TMEM43: variants seen among roughly 807,000 people sequenced by gnomAD.
TMEM43 encodes transmembrane protein 43.
Under a neutral mutation model 49.6 loss-of-function variants are expected in TMEM43, and 45 were observed. The observed-to-expected ratio is 0.91, with a 90% CI of 0.71 to 1.16. The LOEUF (loss-of-function observed/expected upper bound fraction) is 1.16, where lower values mean the gene tolerates loss of function less well. TMEM43 is among the 50% of genes most tolerant of loss of function. TMEM43 has a pLI of 0.00. For missense variants in TMEM43, 532 were observed against 516.6 expected (o/e 1.03, Z -0.29); for synonymous variants, 199 against 207.8 (o/e 0.96, Z 0.36).
intron 1 of TMEM43, among the ~76,000 whole-genome samples, chr3:14,128,703 T>C (rs1229307464): frequency 6.6e-6 from 1 of 152,254 alleles, no homozygotes; most frequent in Non-Finnish European, 1.5e-5. Flanking sequence ...AACCTCTTTG[T>C]AAAATAGCTT....
Position 14,141,978 on chromosome 3 carries a change from T to C in TMEM43, c.*183T>C. 1.6e-6 allele frequency: 1 copy of C among 617,516 alleles called. No individual in the cohort carries two copies. Among genetic ancestry groups the C allele is most frequent in the East Asian group, 2.8e-5 (1 of 36,250 alleles). 38.3% of individuals were successfully genotyped at this position (617,516 alleles called of 1,614,324 possible). A position where few individuals can be genotyped will look rare whatever the true frequency, so the allele number is the denominator to read the frequency against. On this transcript the variant is annotated 3_prime_UTR_variant, in exon 12 of 12. Coordinates refer to ENST00000306077, the MANE Select transcript of TMEM43 (RefSeq NM_024334.3). The stretch of plus-strand genomic sequence containing the variant: ...GGTTGGTGTTCACCAGCTCATGTCT[T>C]CCCCACATCTCTTCTTGCCAGTAAG...
intron 10 of TMEM43, among the ~76,000 whole-genome samples, chr3:14,138,714 G>C (rs1383712264): frequency 6.6e-6 from 1 of 152,228 alleles, no homozygotes; most frequent in Non-Finnish European, 1.5e-5. Flanking sequence ...GACTGAAGCA[G>C]CTAAAGAATT....
intron 8 of TMEM43, 29 bp from the exon 9 acceptor site, chr3:14,135,129 C>G (rs374964051): frequency 6.2e-7 from 1 of 1,603,100 alleles, no homozygotes; most frequent in Non-Finnish European, 8.5e-7. Context: ...CTCCGTTCCT[C>G]ACTCTCCCTG....
At chr3:14,135,089 G>T in intron 8 of TMEM43, 69 bp from the exon 9 acceptor site, 1 of 1,527,198 alleles carries the variant, frequency 6.5e-7, no homozygotes, top group South Asian at 1.1e-5. Flanking sequence ...GCGTAGCCGA[G>T]GCATCCTGGA....
intron 4 of TMEM43, among the ~76,000 whole-genome samples, chr3:14,132,178 G>A (rs896706794): frequency 1.3e-5 from 2 of 152,210 alleles, no homozygotes; most frequent in African/African-American, 4.8e-5. Flanking sequence ...CGACAGGTGG[G>A]GAGGTGGTGG....
chr3:14,128,133 C>G (rs1695042987), intron 1 of TMEM43, among the ~76,000 whole-genome samples: 1 of 152,186 alleles, frequency 6.6e-6, no homozygotes, highest in Non-Finnish European at 1.5e-5. Flanking sequence ...GTTGCTTGCC[C>G]AAGACCCCGT....
At position 14,135,152 on chromosome 3, in the gene TMEM43, C is replaced by T. The variant is rs1404287765; in HGVS notation, c.706-6C>T. On this transcript the variant is annotated splice_region_variant and splice_polypyrimidine_tract_variant and intron_variant, in intron 8 of 11. Coordinates refer to ENST00000306077, the MANE Select transcript of TMEM43 (RefSeq NM_024334.3). ...CTCACTCTCCCTGCTTCTCTTCCAC[C>T]CCCAGGTGGGAGACTTGCGTGTCTC... The T allele has an allele frequency of 1.2e-6, 2 of 1,611,676 alleles. No homozygotes were observed. The highest frequency in any genetic ancestry group is 1.7e-5 in the Admixed American group (1 of 60,024).
In TMEM43 at chr3:14,135,171, G is replaced by A. The variant is rs758817244; in HGVS notation, c.719G>A (p.Arg240His). 17 of 1,612,342 alleles carry A rather than the reference G, an allele frequency of 1.1e-5. No individual in the cohort carries two copies. The highest frequency in any genetic ancestry group is 2.2e-5 in the East Asian group (1 of 44,870). ...TTCCACCCCCAGGTGGGAGACTTGC[G>A]TGTCTCCTTTTCCTATGCTGGACTG... ...NPKYPEVGDL[R>H]VSFSYAGLSG... is the part of the protein sequence containing the mutation. The change falls in exon 9 of 12, where the codon CGT (arginine) becomes CAT (histidine). Residue 240 changes from arginine (R) to histidine (H), a missense_variant. Coordinates refer to ENST00000306077, the MANE Select transcript of TMEM43 (RefSeq NM_024334.3).
chr3:14,138,253 G>T (rs1695197336), intron 10 of TMEM43, among the ~76,000 whole-genome samples: 1 of 152,186 alleles, frequency 6.6e-6, no homozygotes, highest in Non-Finnish European at 1.5e-5. Context: ...GAGGACACTT[G>T]ACCTGGACTG....
intron 10 of TMEM43, chr3:14,137,830 G>C (rs1695189625): frequency 6.6e-6 from 1 of 152,248 alleles, no homozygotes; most frequent in African/African-American, 2.4e-5. Context: ...CATTCAGCAA[G>C]TTTTCATTGA....
chr3:14,141,262 A>G (rs1695241922), intron 11 of TMEM43, among the ~76,000 whole-genome samples: 1 of 152,162 alleles, frequency 6.6e-6, no homozygotes. Flanking sequence ...GACCCAGGTT[A>G]TTTCTAGCAT....
chr3:14,136,197 A>G (rs1490992663), intron 10 of TMEM43, among the ~76,000 whole-genome samples: 2 of 152,274 alleles, frequency 1.3e-5, no homozygotes, highest in Non-Finnish European at 1.5e-5. Flanking sequence ...CTTTGTACAC[A>G]TCGCCTGAAG....
At chr3:14,127,310 G>T (rs183204324) in intron 1 of TMEM43, among the ~76,000 whole-genome samples, 182 of 152,180 alleles carry the variant, frequency 1.2e-3, no homozygotes, top group African/African-American at 4.3e-3. Flanking sequence ...AGCCTGAGGG[G>T]CACCCTCCTG....
At chr3:14,140,642 T>G (rs1292448699) in intron 11 of TMEM43, among the ~76,000 whole-genome samples, 2 of 152,226 alleles carry the variant, frequency 1.3e-5, no homozygotes, top group Non-Finnish European at 2.9e-5. Context: ...GTGAGTTTCT[T>G]AATTCCCTGA....
chr3:14,129,997 T>C (rs547635349), intron 2 of TMEM43, among the ~76,000 whole-genome samples: 11 of 151,896 alleles, frequency 7.2e-5, no homozygotes, highest in African/African-American at 2.7e-4. Context: ...CCTTTCTTTC[T>C]TTTCCTTTCT....
chr3:14,134,061 C>T (rs997817880), intron 7 of TMEM43, among the ~76,000 whole-genome samples: 2 of 152,212 alleles, frequency 1.3e-5, no homozygotes, highest in Admixed American at 6.5e-5. Context: ...CTCAGGCATG[C>T]ATCCTCACCC....
At position 14,131,557 on chromosome 3, in the gene TMEM43, G is replaced by C. The variant is rs1695095863; in HGVS notation, c.298-23G>C. 6 of 1,604,854 alleles carry C rather than the reference G, an allele frequency of 3.7e-6. No individual in the cohort carries two copies. In the South Asian group the frequency reaches 5.5e-5, roughly 15 times the overall value. ...CGTGAATGTTATCCTTTATTTTTTT[G>C]GTTTCTTTGATTCTGTTTGAAGCTT... On this transcript the variant is annotated intron_variant, in intron 3 of 11. Coordinates refer to ENST00000306077, the MANE Select transcript of TMEM43 (RefSeq NM_024334.3).
rs749875987 is a variant in TMEM43, at chr3:14,131,631, A to AG, written c.351dup (p.His118AlafsTer11). 4 of 1,614,150 alleles carry AG rather than the reference A, an allele frequency of 2.5e-6. No individual in the cohort carries two copies. Among genetic ancestry groups the AG allele is most frequent in the Non-Finnish European group, 3.4e-6 (4 of 1,180,018 alleles). ...CCATCTTCCGGCTGTGAAACTGCGG[A>AG]GGCACGTGGAGATGTACCAATGGGT... On this transcript the variant is annotated frameshift_variant, in exon 4 of 12. Transcript: ENST00000306077. LOFTEE classifies it high-confidence loss of function.
intron 1 of TMEM43, among the ~76,000 whole-genome samples, chr3:14,126,775 C>T (rs1343447233): frequency 6.6e-6 from 1 of 152,118 alleles, no homozygotes; most frequent in African/African-American, 2.4e-5. Context: ...TTTTTTGATT[C>T]ATCCAGTAGC....
Sources: gnomAD v4.1 joint callset for allele counts (sites outside exome capture counted in the v4.1 genomes callset) on GRCh38, gnomAD v4.1.1 for gene constraint, MANE v1.5 for transcripts, NCBI Gene and HGNC (gene_info 2026-07-23, HGNC 2026-07-21) for gene names.